The following TEX14 variants were observed in gnomAD, a reference collection of about 807,000 sequenced individuals.
TEX14 encodes inactive serine/threonine-protein kinase TEX14.
A neutral mutation model predicts 178.6 loss-of-function variants in TEX14; 168 were observed. The ratio of observed to expected loss-of-function variants is 0.94; its 90% CI spans 0.83 to 1.07. The LOEUF is 1.07. Ranked by LOEUF, TEX14 falls within the 50% of genes least tolerant of loss-of-function variation. The pLI is 0.00. For synonymous variants in TEX14, 626 were observed against 634.1 expected (o/e 0.99, Z 0.19); for missense variants, 1,730 against 1,753.6 (o/e 0.99, Z 0.24).
intron 1 of TEX14, chr17:58,659,257 A>G (rs2047051972): frequency 1.3e-6 from 1 of 780,840 alleles, no homozygotes; most frequent in South Asian, 5.8e-5. Flanking sequence ...TCCCCCAAGA[A>G]AAACACTTTA....
chr17:58,623,202 A>G (rs1305571761), intron 3 of TEX14, among the ~76,000 whole-genome samples, 190 bp from the exon 4 acceptor site: 1 of 152,004 alleles, frequency 6.6e-6, no homozygotes, highest in Non-Finnish European at 1.5e-5. Flanking sequence ...ACACACACAC[A>G]CACACACACA....
chr17:58,611,103 G>A (rs2045733904), intron 10 of TEX14, 58 bp downstream of exon 10: 1 of 1,294,170 alleles, frequency 7.7e-7, no homozygotes. Flanking sequence ...GTCTCTATAG[G>A]AAGGGTCCCC....
chr17:58,590,691 G>A (rs1167972426), intron 15 of TEX14, among the ~76,000 whole-genome samples: 1 of 151,828 alleles, frequency 6.6e-6, no homozygotes, highest in African/African-American at 2.4e-5. Flanking sequence ...AGTAGGAGAG[G>A]GTGTGGGTCT....
chr17:58,660,877 T>C lies in TEX14; in HGVS notation c.-1-8875A>G, dbSNP rs765619525. ...TCCGAGTGAGAATGAAGGGTTTCATTGGAGGCCTCTTCTGGTGACATGAGT... is the reference window on the plus strand; with the variant it reads ...TCCGAGTGAGAATGAAGGGTTTCATCGGAGGCCTCTTCTGGTGACATGAGT... On this transcript the variant is annotated intron_variant, in intron 1 of 31. Coordinates refer to ENST00000349033, the MANE Select transcript of TEX14 (RefSeq NM_031272.5). 3.7e-6 allele frequency: 3 copies of C among 800,278 alleles called. No individual in the cohort carries two copies. In the Admixed American group the frequency reaches 5.1e-5, roughly 14 times the overall value. The allele number at this position is 800,278 out of a possible 1,614,324, so 49.6% of individuals were successfully genotyped here.
chr17:58,685,477 T>G (rs952856428), intron 1 of TEX14, among the ~76,000 whole-genome samples: 2 of 147,888 alleles, frequency 1.4e-5, no homozygotes, highest in African/African-American at 5.0e-5. Context: ...AGATAAATAG[T>G]AGTTAATTAG....
At chr17:58,581,738 T>C (rs367545796) in intron 19 of TEX14, 250 of 1,606,744 alleles carry the variant, frequency 1.6e-4, no homozygotes, top group Middle Eastern at 8.5e-4. Flanking sequence ...ATGCTATTAA[T>C]AATGTAGGAA....
chr17:58,565,238 G>A (rs1395503381), intron 27 of TEX14, among the ~76,000 whole-genome samples: 1 of 152,164 alleles, frequency 6.6e-6, no homozygotes, highest in African/African-American at 2.4e-5. Flanking sequence ...GAAGACAGAG[G>A]AAGCTGAAGA....
In TEX14 at chr17:58,678,748, A is replaced by T. The variant is rs533890904; in HGVS notation, c.-2+13191T>A. Among the ~76,000 whole-genome samples the T allele has an allele frequency of 1.2e-4, 18 of 151,632 alleles. 1 individual carries two copies. In the South Asian group the frequency reaches 3.7e-3, roughly 32 times the overall value. ...AAATGACGAGTTAATGGGTGCAGCA[A>T]ACCAACATGGCACATGTATACATAT... On this transcript the variant is annotated intron_variant, in intron 1 of 31. Coordinates refer to ENST00000349033, the MANE Select transcript of TEX14 (RefSeq NM_031272.5).
intron 28 of TEX14, 112 bp downstream of exon 28, chr17:58,564,757 T>C (rs1020427207): frequency 5.1e-6 from 3 of 584,270 alleles, no homozygotes; most frequent in Admixed American, 3.5e-5. Context: ...ATTAGGATAG[T>C]ATGAAAAAAG....
At chr17:58,597,125 C>T (rs758145742) in intron 14 of TEX14, among the ~76,000 whole-genome samples, 8 of 151,992 alleles carry the variant, frequency 5.3e-5, no homozygotes, top group Non-Finnish European at 1.0e-4. Context: ...TGGCCAGGCA[C>T]GGTGGCTCAT....
chr17:58,684,630 CAAATAAAT>C (rs3031764), intron 1 of TEX14, among the ~76,000 whole-genome samples: 54,288 of 140,034 alleles, frequency 0.39, 10,928 homozygotes, highest in Middle Eastern at 0.53. Flanking sequence ...GACCCTGTCT[CAAATAAAT>C]AAATAAATAA....
At chr17:58,587,810 A>T in intron 16 of TEX14, 86 bp downstream of exon 16, 1 of 1,263,466 alleles carries the variant, frequency 7.9e-7, no homozygotes, top group Non-Finnish European at 1.2e-6. Context: ...CTAGAGTTGC[A>T]CTGACCCCTT....
Position 58,599,162 on chromosome 17 carries a change from C to T in TEX14, c.2183G>A (p.Ser728Asn). ...NMSTTEEYLI[S>N]KCVLDLKIMQ... Reference sequence around the variant, plus strand: ...AATCTTTAGATCCAGCACACACTTACTGATGAGATACTCCTCAGTCGTGGA... The same window carrying T: ...AATCTTTAGATCCAGCACACACTTATTGATGAGATACTCCTCAGTCGTGGA... Residue 728 changes from serine to asparagine, a missense_variant, in exon 14 of 32, where the codon AGT becomes AAT. Around this residue, in one of 2 missense-constraint regions of TEX14, gnomAD observed 941 missense variants for 1,072.4 expected, o/e 0.88. Coordinates refer to ENST00000349033, the MANE Select transcript of TEX14 (RefSeq NM_031272.5). 1 of 1,614,182 alleles carries T rather than the reference C, an allele frequency of 6.2e-7. No individual in the cohort carries two copies. Among genetic ancestry groups the T allele is most frequent in the Non-Finnish European group, 8.5e-7 (1 of 1,180,048 alleles).
intron 1 of TEX14, among the ~76,000 whole-genome samples, chr17:58,688,579 A>C (rs1252839757): frequency 6.6e-6 from 1 of 152,162 alleles, no homozygotes; most frequent in Non-Finnish European, 1.5e-5. Flanking sequence ...TAAGTACTGT[A>C]TATGTGTTAA....
chr17:58,652,781 T>C (rs969040133), intron 1 of TEX14, among the ~76,000 whole-genome samples: 2 of 152,204 alleles, frequency 1.3e-5, no homozygotes, highest in Non-Finnish European at 1.5e-5. Context: ...TAAAGCTAGA[T>C]AGTATAACAT....
intron 4 of TEX14, among the ~76,000 whole-genome samples, chr17:58,622,620 G>T (rs545127334): frequency 4.3e-4 from 66 of 152,190 alleles, no homozygotes; most frequent in African/African-American, 1.5e-3. Flanking sequence ...TAGTTAAATG[G>T]GTCAGACAAA....
intron 21 of TEX14, among the ~76,000 whole-genome samples, chr17:58,576,401 T>C (rs1474304198): frequency 5.9e-5 from 9 of 152,162 alleles, no homozygotes; most frequent in East Asian, 5.8e-4. Context: ...GGAGAATCAC[T>C]TGAACCCGGG....
At chr17:58,656,751 CA>C (rs71143264) in intron 1 of TEX14, among the ~76,000 whole-genome samples, 51 of 130,522 alleles carry the variant, frequency 3.9e-4, no homozygotes, top group Admixed American at 9.6e-4. Flanking sequence ...GACTCTGTCT[CA>C]AAAAAAAAAA....
rs2047553804 is a variant in TEX14, at chr17:58,684,277, T to C, written c.-2+7662A>G. Among the ~76,000 whole-genome samples, 5 of 149,490 alleles carry C rather than the reference T, an allele frequency of 3.3e-5. No homozygotes were observed. In the South Asian group the frequency reaches 1.1e-3, roughly 32 times the overall value. ...AGGAGCATGAGACCAGCCTGACCAA[T>C]ATGATGAAACCCCATCTCTACTAAA... is the stretch of plus-strand genomic sequence containing the variant. On this transcript the variant is annotated intron_variant, in intron 1 of 31. Coordinates refer to ENST00000349033, the MANE Select transcript of TEX14 (RefSeq NM_031272.5).
Sources: gnomAD v4.1 joint callset for allele counts (sites outside exome capture counted in the v4.1 genomes callset) on GRCh38, gnomAD v4.1.1 for gene constraint, gnomAD v4.1.1 regional missense constraint, MANE v1.5 for transcripts, NCBI Gene and HGNC (gene_info 2026-07-23, HGNC 2026-07-21) for gene names.